Variants in RHOA observed in about 807,000 individuals in gnomAD.
RHOA encodes the protein ras homolog family member A.
A neutral mutation model predicts 17.5 loss-of-function variants in RHOA; 3 were observed. The observed-to-expected ratio is 0.17, with a 90% CI of 0.08 to 0.44. RHOA has a LOEUF of 0.44. Ranked by LOEUF, RHOA falls within the 20% of genes least tolerant of loss-of-function variation. The pLI, the probability that RHOA is intolerant of heterozygous loss-of-function variation, is 0.99. For synonymous variants in RHOA, 98 were observed against 88.4 expected, an observed-to-expected ratio of 1.11 and a Z score of -0.61; for missense variants, 56 against 242.3, an observed-to-expected ratio of 0.23 and a Z score of 5.10.
At chr3:49,409,330 C>T (rs1393270011) in intron 1 of RHOA, among the ~76,000 whole-genome samples, 1 of 151,816 alleles carries the variant, frequency 6.6e-6, no homozygotes, top group African/African-American at 2.4e-5. Flanking sequence ...AGGAGGCAGA[C>T]GGTGCAGTGA....
At chr3:49,387,945 T>G (rs1185166143) in intron 1 of RHOA, among the ~76,000 whole-genome samples, 2 of 152,018 alleles carry the variant, frequency 1.3e-5, no homozygotes, top group Admixed American at 6.6e-5. Flanking sequence ...ACCTGTTTAC[T>G]CTTACTGTTT....
At chr3:49,410,693 G>C (rs1278830762) in intron 1 of RHOA, among the ~76,000 whole-genome samples, 1 of 152,202 alleles carries the variant, frequency 6.6e-6, no homozygotes, top group Non-Finnish European at 1.5e-5. Context: ...ACATCTGGGT[G>C]ATACTAAGTG....
chr3:49,393,727 T>TGG (rs1439102234), intron 1 of RHOA, among the ~76,000 whole-genome samples: 1 of 132,198 alleles, frequency 7.6e-6, no homozygotes, highest in African/African-American at 3.0e-5. Flanking sequence ...TGTGTGTGTG[T>TGG]GTGACAGAAT....
chr3:49,370,542 G>T (rs543398965), intron 2 of RHOA, among the ~76,000 whole-genome samples: 1 of 152,212 alleles, frequency 6.6e-6, no homozygotes, highest in African/African-American at 2.4e-5. Context: ...CTGGCTGTTA[G>T]GCAAGGCCTG....
intron 1 of RHOA, among the ~76,000 whole-genome samples, chr3:49,380,720 A>G (rs879568884): frequency 3.7e-4 from 49 of 131,932 alleles, no homozygotes; most frequent in Non-Finnish European, 4.8e-4. Flanking sequence ...TAATAATAAT[A>G]AATACTCATT....
intron 1 of RHOA, among the ~76,000 whole-genome samples, chr3:49,385,236 T>C (rs971230659): frequency 1.9e-4 from 28 of 149,408 alleles, no homozygotes; most frequent in Non-Finnish European, 1.6e-4. Flanking sequence ...TTTTTTTTTT[T>C]CTGAGACAGA....
chr3:49,381,305 T>G (rs2048312726), intron 1 of RHOA, among the ~76,000 whole-genome samples: 1 of 151,446 alleles, frequency 6.6e-6, no homozygotes. Context: ...CTCGAGAGGC[T>G]GAGGCAGGAG....
At chr3:49,396,735 T>C (rs2048622653) in intron 1 of RHOA, among the ~76,000 whole-genome samples, 1 of 151,788 alleles carries the variant, frequency 6.6e-6, no homozygotes, top group African/African-American at 2.4e-5. Flanking sequence ...GGTGCAGTTA[T>C]CAGCACTCTG....
intron 1 of RHOA, among the ~76,000 whole-genome samples, chr3:49,383,593 T>C (rs114870878): frequency 0.014 from 2,109 of 152,194 alleles, 21 homozygotes; most frequent in Non-Finnish European, 0.021. Context: ...CCTCTGCACT[T>C]TCAGCCTGCA....
intron 1 of RHOA, among the ~76,000 whole-genome samples, chr3:49,394,904 C>T (rs2048586759): frequency 6.6e-6 from 1 of 152,040 alleles, no homozygotes; most frequent in African/African-American, 2.4e-5. Context: ...TTCAGGAATA[C>T]TTTCTAAGGT....
chr3:49,388,357 G>A (rs2048435437), intron 1 of RHOA, among the ~76,000 whole-genome samples: 1 of 152,114 alleles, frequency 6.6e-6, no homozygotes, highest in African/African-American at 2.4e-5. Flanking sequence ...GTGGCTTTCT[G>A]AGCTTTAGGG....
chr3:49,382,229 G>A (rs2048329754), intron 1 of RHOA, among the ~76,000 whole-genome samples: 2 of 152,100 alleles, frequency 1.3e-5, no homozygotes, highest in South Asian at 4.1e-4. Context: ...TGAGGCATGA[G>A]AATGGGGTGA....
intron 1 of RHOA, among the ~76,000 whole-genome samples, chr3:49,381,532 G>A (rs1312455834): frequency 1.3e-5 from 2 of 151,470 alleles, no homozygotes; most frequent in South Asian, 2.1e-4. Flanking sequence ...CTGAGAACGC[G>A]CCACTGCACT....
intron 2 of RHOA, 152 bp from the exon 3 acceptor site, chr3:49,368,700 CTTTTTTCTTTTTTT>C (rs2048098463): frequency 4.1e-6 from 2 of 491,590 alleles, no homozygotes; most frequent in Admixed American, 3.6e-5. Context: ...TACATTTTTT[CTTTTTTCTTTTTTT>C]TTTTTTTTTT....
At chr3:49,381,229 A>AC (rs2048311593) in intron 1 of RHOA, among the ~76,000 whole-genome samples, 1 of 151,580 alleles carries the variant, frequency 6.6e-6, no homozygotes, top group Non-Finnish European at 1.5e-5. Flanking sequence ...ACATTGTGAA[A>AC]CCCCGTCTCT....
At chr3:49,373,329 G>A in intron 2 of RHOA, 1 of 200,288 alleles carries the variant, frequency 5.0e-6, no homozygotes, top group Non-Finnish European at 1.1e-5. Flanking sequence ...GGGTGATAGA[G>A]GGAGACTCTG....
chr3:49,396,261 T>C (rs931536443), intron 1 of RHOA, among the ~76,000 whole-genome samples: 19 of 151,944 alleles, frequency 1.3e-4, no homozygotes, highest in African/African-American at 4.6e-4. Flanking sequence ...AGATATGTGG[T>C]GGAAAATGTT....
At chr3:49,362,369 G>GGTGATT in intron 4 of RHOA, 127 bp downstream of exon 4, 1 of 902,008 alleles carries the variant, frequency 1.1e-6, no homozygotes, top group East Asian at 2.6e-5. Flanking sequence ...GGGTCAGAGG[G>GGTGATT]CCACAGAGGG....
chr3:49,372,317 C>T (rs113220026), intron 2 of RHOA, among the ~76,000 whole-genome samples: 1 of 152,190 alleles, frequency 6.6e-6, no homozygotes, highest in African/African-American at 2.4e-5. Context: ...CTTCAGGGTA[C>T]ATCCCAAAAT....
Sources: gnomAD v4.1 joint callset for allele counts (sites outside exome capture counted in the v4.1 genomes callset) on GRCh38, gnomAD v4.1.1 for gene constraint, MANE v1.5 for transcripts, NCBI Gene and HGNC (gene_info 2026-07-23, HGNC 2026-07-21) for gene names.